RBFOX1: variants seen among roughly 807,000 people sequenced by gnomAD.
RBFOX1 encodes the protein RNA binding fox-1 homolog 1.
A neutral mutation model predicts 57.7 loss-of-function variants in RBFOX1; 8 were observed. That is an observed-to-expected ratio of 0.14 (90% confidence interval 0.08 to 0.25). The LOEUF (loss-of-function observed/expected upper bound fraction) is 0.25, where lower values mean the gene tolerates loss of function less well. RBFOX1 is among the 10% of genes least tolerant of loss of function. RBFOX1 has a pLI of 1.00. For synonymous variants in RBFOX1, 326 were observed against 222.4 expected, an observed-to-expected ratio of 1.47 and a Z score of -4.15; for missense variants, 611 against 548.5, an observed-to-expected ratio of 1.11 and a Z score of -1.14.
chr16:7,407,758 G>T (rs562475697), intron 4 of RBFOX1, among the ~76,000 whole-genome samples: 3 of 152,156 alleles, frequency 2.0e-5, no homozygotes, highest in Non-Finnish European at 4.4e-5. Flanking sequence ...AGTGCCTTCT[G>T]TATCTTCATA....
intron 3 of RBFOX1, among the ~76,000 whole-genome samples, chr16:5,766,497 A>T (rs931371576): frequency 6.6e-6 from 1 of 152,146 alleles, no homozygotes; most frequent in Non-Finnish European, 1.5e-5. Context: ...AGGCAGGGGA[A>T]TTGCTTGAAT....
intron 4 of RBFOX1, among the ~76,000 whole-genome samples, chr16:7,326,733 G>A (rs549994026): frequency 2.0e-5 from 3 of 151,960 alleles, no homozygotes; most frequent in Non-Finnish European, 4.4e-5. Context: ...ATAAAAGGGC[G>A]ACAGAGCCCA....
At chr16:7,336,034 G>A (rs998218449) in intron 4 of RBFOX1, among the ~76,000 whole-genome samples, 2 of 152,198 alleles carry the variant, frequency 1.3e-5, no homozygotes, top group Non-Finnish European at 2.9e-5. Flanking sequence ...AGATCCCGAT[G>A]TTGATATCTT....
intron 1 of RBFOX1, among the ~76,000 whole-genome samples, chr16:6,040,195 T>C (rs1417341496): frequency 5.3e-5 from 8 of 152,248 alleles, no homozygotes; most frequent in Non-Finnish European, 1.0e-4. Context: ...TGTTTTATTG[T>C]AAAATACACA....
At chr16:6,871,911 C>CTGTGTG (rs57684251) in intron 3 of RBFOX1, among the ~76,000 whole-genome samples, 7,085 of 129,592 alleles carry the variant, frequency 0.055, 256 homozygotes, top group East Asian at 0.085. Context: ...GGGAGAGAGT[C>CTGTGTG]TGTGTGTGTG....
intron 3 of RBFOX1, among the ~76,000 whole-genome samples, chr16:6,815,274 G>T (rs962873619): frequency 1.3e-5 from 2 of 152,098 alleles, no homozygotes; most frequent in Non-Finnish European, 2.9e-5. Flanking sequence ...GGTTTTGGCC[G>T]ACTTCTTTGC....
chr16:6,781,535 A>G (rs1174174081), intron 3 of RBFOX1, among the ~76,000 whole-genome samples: 1 of 152,136 alleles, frequency 6.6e-6, no homozygotes, highest in Non-Finnish European at 1.5e-5. Context: ...GGTAGAATTC[A>G]ACAGTGAAGC....
chr16:6,748,846 T>A (rs1272633443), intron 3 of RBFOX1: 1 of 152,190 alleles, frequency 6.6e-6, no homozygotes, highest in Non-Finnish European at 1.5e-5. Context: ...GATGCTAGAA[T>A]TTCAGCAATG....
chr16:7,070,276 G>A (rs1236758684), intron 4 of RBFOX1, among the ~76,000 whole-genome samples: 5 of 152,100 alleles, frequency 3.3e-5, no homozygotes, highest in Admixed American at 3.3e-4. Flanking sequence ...ATTTATACTT[G>A]CCTCAGTGTG....
intron 3 of RBFOX1, among the ~76,000 whole-genome samples, chr16:5,756,637 C>G (rs1226879447): frequency 2.0e-5 from 3 of 152,172 alleles, no homozygotes; most frequent in East Asian, 3.9e-4. Context: ...TGCCTGCTGC[C>G]TGCCTTTCCA....
intron 1 of RBFOX1, among the ~76,000 whole-genome samples, chr16:6,172,823 C>G (rs1488248503): frequency 1.3e-5 from 2 of 152,132 alleles, no homozygotes; most frequent in Non-Finnish European, 2.9e-5. Flanking sequence ...TTGGTGGATA[C>G]AACAACACAG....
chr16:6,091,053 G>A (rs910236391), intron 1 of RBFOX1, among the ~76,000 whole-genome samples: 1 of 152,088 alleles, frequency 6.6e-6, no homozygotes, highest in Non-Finnish European at 1.5e-5. Context: ...TCTTTCTGTT[G>A]GCAACTTTTC....
chr16:5,727,867 T>A (rs1215961646), intron 3 of RBFOX1, among the ~76,000 whole-genome samples: 1 of 152,170 alleles, frequency 6.6e-6, no homozygotes, highest in Non-Finnish European at 1.5e-5. Context: ...TTCAGGTTTT[T>A]TTTGTAGAGA....
Position 7,536,045 on chromosome 16 carries a change from CA to C in RBFOX1, c.270+17657del, listed in dbSNP as rs541424784. On this transcript the variant is annotated intron_variant, in intron 5 of 15. Coordinates refer to ENST00000550418, the MANE Select transcript of RBFOX1 (RefSeq NM_018723.4). Reference sequence around the variant, plus strand: ...ACACAGAATACACACACACGTCACTCACACAGTTGAATGCAGCCAGCCATCT... The same window carrying C: ...ACACAGAATACACACACACGTCACTCCACAGTTGAATGCAGCCAGCCATCT... Among the ~76,000 whole-genome samples the C allele has an allele frequency of 2.9e-3, 445 of 152,324 alleles. 2 individuals carry two copies. The highest frequency in any genetic ancestry group is 0.01 in the African/African-American group (418 of 41,576).
chr16:7,338,969 C>T lies in RBFOX1; in HGVS notation c.28-179178C>T, dbSNP rs977187110. On this transcript the variant is annotated intron_variant, in intron 4 of 15. Transcript: ENST00000550418. The stretch of plus-strand genomic sequence containing the variant: ...ATATAAATGCTGGTGGCGTCATTTA[C>T]TCTGAGGCTGCTCCATCTTAGTCAC... Among the ~76,000 whole-genome samples, 24 of 152,274 alleles carry T rather than the reference C, an allele frequency of 1.6e-4. No homozygotes were observed. The East Asian group carries it at 4.2e-3, about 27-fold the overall frequency.
At chr16:7,235,200 C>A (rs991689773) in intron 4 of RBFOX1, among the ~76,000 whole-genome samples, 1 of 152,124 alleles carries the variant, frequency 6.6e-6, no homozygotes, top group African/African-American at 2.4e-5. Context: ...AAAATGTTGA[C>A]ATTCCTTAGA....
intron 4 of RBFOX1, among the ~76,000 whole-genome samples, chr16:7,102,460 A>T (rs2062855405): frequency 6.6e-6 from 1 of 152,206 alleles, no homozygotes; most frequent in Non-Finnish European, 1.5e-5. Flanking sequence ...AAAACATGCC[A>T]GGATATTTAT....
chr16:6,817,322 G>C (rs2090295542), intron 3 of RBFOX1, among the ~76,000 whole-genome samples: 1 of 152,046 alleles, frequency 6.6e-6, no homozygotes, highest in Non-Finnish European at 1.5e-5. Flanking sequence ...CCTCTCCCAT[G>C]TACGAGGACC....
At chr16:5,495,252 T>C (rs13335830) in intron 2 of RBFOX1, among the ~76,000 whole-genome samples, 33,950 of 152,170 alleles carry the variant, frequency 0.22, 5,991 homozygotes, top group African/African-American at 0.49. Flanking sequence ...AATACCCTGC[T>C]TCCATCAGCC....
Sources: allele counts gnomAD v4.1 joint callset (sites outside exome capture counted in the v4.1 genomes callset), GRCh38; gene constraint gnomAD v4.1.1; transcripts MANE v1.5; gene names NCBI Gene and HGNC (gene_info 2026-07-23, HGNC 2026-07-21).